UNC79: variants seen among roughly 807,000 people sequenced by gnomAD.
UNC79 encodes the protein protein unc-79 homolog.
A neutral mutation model predicts 283.1 loss-of-function variants in UNC79; 37 were observed. The ratio of observed to expected loss-of-function variants is 0.13; its 90% CI spans 0.10 to 0.17. The LOEUF (loss-of-function observed/expected upper bound fraction) is 0.17, where lower values mean the gene tolerates loss of function less well. Ranked by LOEUF, UNC79 falls within the 10% of genes least tolerant of loss-of-function variation. UNC79 has a pLI of 1.00. For synonymous variants in UNC79, 1,107 were observed against 1,200.2 expected, an observed-to-expected ratio of 0.92 and a Z score of 1.61; for missense variants, 2,272 against 3,211.1, an observed-to-expected ratio of 0.71 and a Z score of 7.07.
chr14:93,647,748 C>T (rs906692496), intron 35 of UNC79, among the ~76,000 whole-genome samples: 5 of 152,138 alleles, frequency 3.3e-5, no homozygotes, highest in African/African-American at 1.2e-4. Context: ...CATTAGTCCA[C>T]TTTCACACTG....
chr14:93,371,723 C>T (rs1353331230), intron 1 of UNC79, among the ~76,000 whole-genome samples: 2 of 152,046 alleles, frequency 1.3e-5, no homozygotes, highest in Non-Finnish European at 1.5e-5. Flanking sequence ...CGCCTGTGGT[C>T]CCAGCTACTC....
intron 1 of UNC79, among the ~76,000 whole-genome samples, chr14:93,372,296 C>A (rs2054468633): frequency 6.6e-6 from 1 of 152,066 alleles, no homozygotes. Context: ...GATTATATTA[C>A]ATACAGTAAC....
intron 7 of UNC79, among the ~76,000 whole-genome samples, chr14:93,510,000 C>T (rs74540116): frequency 4.9e-4 from 75 of 152,252 alleles, no homozygotes; most frequent in African/African-American, 1.7e-3. Flanking sequence ...ATCTAGGCAC[C>T]GGCTCCCAAG....
At chr14:93,464,303 G>T (rs999725972) in intron 1 of UNC79, among the ~76,000 whole-genome samples, 1 of 152,186 alleles carries the variant, frequency 6.6e-6, no homozygotes, top group African/African-American at 2.4e-5. Flanking sequence ...TGAGGTGTTG[G>T]CAGGTTTGGT....
At chr14:93,541,924 G>A (rs2061394799) in intron 13 of UNC79, among the ~76,000 whole-genome samples, 2 of 147,036 alleles carry the variant, frequency 1.4e-5, no homozygotes, top group Admixed American at 7.0e-5. Flanking sequence ...AGAATGGCGT[G>A]AACCCGGGAG....
chr14:93,352,153 C>G (rs1373036412), intron 1 of UNC79, among the ~76,000 whole-genome samples: 2 of 152,218 alleles, frequency 1.3e-5, no homozygotes, highest in Admixed American at 1.3e-4. Flanking sequence ...TTCTTAAGAT[C>G]TATCTTCGCT....
At chr14:93,698,476 G>GCTTTTTTTTTTT (rs1555408706) in intron 47 of UNC79, among the ~76,000 whole-genome samples, 1 of 79,096 alleles carries the variant, frequency 1.3e-5, no homozygotes, top group Non-Finnish European at 2.6e-5. Context: ...TTTAGTTTAG[G>GCTTTTTTTTTTT]TTTTTTTTTT....
intron 1 of UNC79, among the ~76,000 whole-genome samples, chr14:93,456,663 A>AC (rs1393827820): frequency 3.3e-5 from 5 of 152,172 alleles, no homozygotes; most frequent in Non-Finnish European, 5.9e-5. Flanking sequence ...ACTTTCCTGC[A>AC]CCCAGAGGTA....
At chr14:93,587,024 TC>T (rs1750806519) in intron 22 of UNC79, 116 bp downstream of exon 22, 61 of 1,257,658 alleles carry the variant, frequency 4.9e-5, no homozygotes, top group Non-Finnish European at 6.4e-5. Context: ...CCAGGACAGC[TC>T]GATTGCCTAT....
chr14:93,496,959 G>A (rs2059041417), intron 6 of UNC79, among the ~76,000 whole-genome samples, 198 bp from the exon 7 acceptor site: 1 of 152,132 alleles, frequency 6.6e-6, no homozygotes, highest in Non-Finnish European at 1.5e-5. Flanking sequence ...TTTACAGAAG[G>A]ATCAGTAAAT....
At chr14:93,649,819 G>GT (rs2070049347) in intron 35 of UNC79, among the ~76,000 whole-genome samples, 1 of 152,152 alleles carries the variant, frequency 6.6e-6, no homozygotes, top group African/African-American at 2.4e-5. Context: ...GACGATGGTT[G>GT]TTTCTTTTGT....
At chr14:93,553,961 T>G (rs2062024932) in intron 14 of UNC79, among the ~76,000 whole-genome samples, 1 of 152,228 alleles carries the variant, frequency 6.6e-6, no homozygotes, top group Non-Finnish European at 1.5e-5. Context: ...AGTTTATTTA[T>G]TTAACCAACA....
In UNC79 at chr14:93,603,383, C is replaced by T. The variant is rs750556895; in HGVS notation, c.3719C>T (p.Ala1240Val). 6.2e-6 allele frequency: 10 copies of T among 1,614,120 alleles called. No individual in the cohort carries two copies. The East Asian group carries it at 1.3e-4, about 22-fold the overall frequency. Reference sequence around the variant, plus strand: ...AAAGGGCCTGTGGAATCCAAGAGGGCGCTCTCCCTCCCTGAGACCCTGACC... The same window carrying T: ...AAAGGGCCTGTGGAATCCAAGAGGGTGCTCTCCCTCCCTGAGACCCTGACC... Residue 1240 changes from alanine to valine, a missense_variant, in exon 26 of 49, where the codon GCG becomes GTG. By Grantham distance (64) the Ala-to-Val change is moderately conservative. Coordinates refer to ENST00000555664, the Ensembl canonical transcript of UNC79.
intron 1 of UNC79, among the ~76,000 whole-genome samples, chr14:93,346,890 G>T (rs868002530): frequency 1.3e-5 from 2 of 152,094 alleles, no homozygotes; most frequent in Admixed American, 6.5e-5. Context: ...GGTGAATGAG[G>T]GCTGGGAGGT....
At chr14:93,348,663 A>C (rs984270272) in intron 1 of UNC79, among the ~76,000 whole-genome samples, 5 of 152,238 alleles carry the variant, frequency 3.3e-5, no homozygotes, top group African/African-American at 1.2e-4. Flanking sequence ...TACATCTCCT[A>C]TTTTAATGAT....
intron 1 of UNC79, among the ~76,000 whole-genome samples, chr14:93,358,909 C>T (rs2054164106): frequency 6.6e-6 from 1 of 152,120 alleles, no homozygotes. Flanking sequence ...TCCCAGCGGG[C>T]CCCTAGAGGT....
intron 40 of UNC79, among the ~76,000 whole-genome samples, chr14:93,671,911 G>A (rs1312489053): frequency 6.6e-6 from 1 of 151,896 alleles, no homozygotes; most frequent in African/African-American, 2.4e-5. Flanking sequence ...CATACAAATG[G>A]CCAACAGGCA....
intron 7 of UNC79, among the ~76,000 whole-genome samples, chr14:93,505,726 C>T (rs989073315): frequency 1.3e-5 from 2 of 149,226 alleles, no homozygotes; most frequent in African/African-American, 4.9e-5. Flanking sequence ...TTTTTTCTCT[C>T]TCTCTTTTTT....
At chr14:93,391,643 G>C (rs537728880) in intron 1 of UNC79, among the ~76,000 whole-genome samples, 18 of 152,188 alleles carry the variant, frequency 1.2e-4, no homozygotes, top group African/African-American at 4.1e-4. Flanking sequence ...TGCCCAGGCT[G>C]GTCTTCAACT....
Sources: gnomAD v4.1 joint callset for allele counts (sites outside exome capture counted in the v4.1 genomes callset) on GRCh38, gnomAD v4.1.1 for gene constraint, MANE v1.5 for transcripts, NCBI Gene and HGNC (gene_info 2026-07-23, HGNC 2026-07-21) for gene names.